RGS6: variants seen among roughly 807,000 people sequenced by gnomAD.
RGS6 encodes regulator of G-protein signaling 6.
Under a neutral mutation model 78.5 loss-of-function variants are expected in RGS6, and 30 were observed. The ratio of observed to expected loss-of-function variants is 0.38; its 90% CI spans 0.29 to 0.52. The LOEUF (loss-of-function observed/expected upper bound fraction) is 0.52. Among genes scored for constraint, RGS6 ranks in the 20% least tolerant of loss-of-function variants. The pLI, the probability that RGS6 is intolerant of heterozygous loss-of-function variation, is 0.85. For missense variants in RGS6, 495 were observed against 609.7 expected (o/e 0.81, Z 1.98); for synonymous variants, 206 against 206.0 (o/e 1.00, Z 0.00).
chr14:71,976,268 T>A (rs2153095884), intron 2 of RGS6, among the ~76,000 whole-genome samples: 1 of 151,606 alleles, frequency 6.6e-6, no homozygotes, highest in Admixed American at 6.6e-5. Context: ...TTTATTTTTT[T>A]TAATTATTAT....
At chr14:71,867,699 TAAG>T in the RGS6 span, among the ~76,000 whole-genome samples, 4 of 152,154 alleles carry the variant, frequency 2.6e-5, no homozygotes, top group African/African-American at 7.2e-5. Flanking sequence ...GATGACCAGA[TAAG>T]GAGGAGGCAA....
At chr14:72,120,997 G>T (rs1490313119) in intron 2 of RGS6, among the ~76,000 whole-genome samples, 2 of 152,200 alleles carry the variant, frequency 1.3e-5, no homozygotes. Flanking sequence ...AGGGAGATTT[G>T]CTCAGTTCCC....
At chr14:72,311,502 A>G (rs762698788) in intron 2 of RGS6, among the ~76,000 whole-genome samples, 11 of 152,192 alleles carry the variant, frequency 7.2e-5, no homozygotes, top group Non-Finnish European at 1.0e-4. Flanking sequence ...AAAAAAAATA[A>G]TAGGGAAGAA....
At chr14:72,020,188 G>A (rs769631190) in intron 2 of RGS6, among the ~76,000 whole-genome samples, 1 of 152,206 alleles carries the variant, frequency 6.6e-6, no homozygotes, top group Non-Finnish European at 1.5e-5. Context: ...TTAGCTTGAT[G>A]TTTGGTCTCC....
chr14:72,301,704 C>T (rs2066100915), intron 2 of RGS6, among the ~76,000 whole-genome samples: 1 of 152,148 alleles, frequency 6.6e-6, no homozygotes, highest in Non-Finnish European at 1.5e-5. Context: ...ATCTGTGCCA[C>T]ACCTCTTCCT....
At chr14:72,364,981 C>A (rs2082190454) in intron 3 of RGS6, among the ~76,000 whole-genome samples, 1 of 152,164 alleles carries the variant, frequency 6.6e-6, no homozygotes, top group Admixed American at 6.5e-5. Context: ...TGCTGCAAGG[C>A]CCGTCTCTAC....
intron 2 of RGS6, among the ~76,000 whole-genome samples, chr14:72,185,761 T>C (rs2153706825): frequency 6.6e-6 from 1 of 152,258 alleles, no homozygotes; most frequent in South Asian, 2.1e-4. Context: ...CTGGGCAACA[T>C]GGGGAGACCC....
At chr14:72,221,959 T>C (rs755191098) in intron 2 of RGS6, among the ~76,000 whole-genome samples, 1 of 152,220 alleles carries the variant, frequency 6.6e-6, no homozygotes, top group Non-Finnish European at 1.5e-5. Context: ...GTGAGTAACA[T>C]GTCCACTTCA....
chr14:72,249,811 T>C (rs1048148683), intron 2 of RGS6, among the ~76,000 whole-genome samples: 2 of 152,034 alleles, frequency 1.3e-5, no homozygotes, highest in Non-Finnish European at 2.9e-5. Flanking sequence ...TGCGGCATTA[T>C]TCACAATAGC....
At chr14:71,983,951 A>G (rs1437393142) in intron 2 of RGS6, among the ~76,000 whole-genome samples, 1 of 152,204 alleles carries the variant, frequency 6.6e-6, no homozygotes, top group African/African-American at 2.4e-5. Flanking sequence ...GTTGCTTCTG[A>G]CAAAGCACTG....
At chr14:71,953,969 G>GTGTT (rs1555399151) in intron 1 of RGS6, among the ~76,000 whole-genome samples, 1 of 76,086 alleles carries the variant, frequency 1.3e-5, no homozygotes, top group Non-Finnish European at 2.3e-5. Context: ...CTAAGTGGGC[G>GTGTT]TTTTTTTTTT....
intron 3 of RGS6, among the ~76,000 whole-genome samples, chr14:72,381,507 A>T (rs1370614980): frequency 6.6e-6 from 1 of 152,158 alleles, no homozygotes; most frequent in Non-Finnish European, 1.5e-5. Flanking sequence ...GCTAACTTCT[A>T]TGTAAAAATG....
chr14:72,013,167 A>T (rs2086159177), intron 2 of RGS6, among the ~76,000 whole-genome samples: 1 of 144,924 alleles, frequency 6.9e-6, no homozygotes, highest in African/African-American at 2.6e-5. Flanking sequence ...ACTACTCGGG[A>T]GGTTGAGGCA....
chr14:71,982,570 C>G (rs3784057), intron 2 of RGS6, among the ~76,000 whole-genome samples: 6 of 152,118 alleles, frequency 3.9e-5, no homozygotes, highest in African/African-American at 1.2e-4. Flanking sequence ...TGGTTCCAAC[C>G]AAAACCCTGG....
At chr14:72,414,032 T>C (rs889771918) in intron 3 of RGS6, among the ~76,000 whole-genome samples, 6 of 152,204 alleles carry the variant, frequency 3.9e-5, no homozygotes, top group Non-Finnish European at 7.3e-5. Flanking sequence ...TTGGTGAATC[T>C]GACAATTATG....
chr14:72,203,130 C>T (rs2041951438), intron 2 of RGS6, among the ~76,000 whole-genome samples: 1 of 152,240 alleles, frequency 6.6e-6, no homozygotes, highest in East Asian at 1.9e-4. Flanking sequence ...CCGCCTCGGC[C>T]TCCCAAAGTG....
chr14:71,918,893 A>G, the RGS6 span, among the ~76,000 whole-genome samples: 2 of 152,196 alleles, frequency 1.3e-5, no homozygotes, highest in Non-Finnish European at 2.9e-5. Context: ...AAGCAAATAT[A>G]TATGGTAAGC....
chr14:72,399,282 T>C (rs1173390429), intron 3 of RGS6, among the ~76,000 whole-genome samples: 1 of 152,202 alleles, frequency 6.6e-6, no homozygotes, highest in African/African-American at 2.4e-5. Context: ...TTTACCATTA[T>C]GTAATGGCCT....
chr14:72,363,999 T>TAAAAAAAAAAAA lies in RGS6; in HGVS notation c.184+11821_184+11832dup, dbSNP rs55943058. ...ACCATCACTTGTCAGTGGACAAGGC[T>TAAAAAAAAAAAA]AAAAAAAAAAAAAAAAAAAAAAAAA... On this transcript the variant is annotated intron_variant, in intron 3 of 17. Coordinates refer to ENST00000553525, the MANE Select transcript of RGS6 (RefSeq NM_001204424.2). Among the ~76,000 whole-genome samples, 79 of 46,802 alleles carry TAAAAAAAAAAAA rather than the reference T, an allele frequency of 1.7e-3. 14 individuals carry two copies. The highest frequency in any genetic ancestry group is 3.5e-3 in the African/African-American group (53 of 15,210). The allele number at this position is 46,802 out of a possible 152,430, so 30.7% of individuals were successfully genotyped here.
Sources: gnomAD v4.1 joint callset for allele counts (sites outside exome capture counted in the v4.1 genomes callset) on GRCh38, gnomAD v4.1.1 for gene constraint, MANE v1.5 for transcripts, NCBI Gene and HGNC (gene_info 2026-07-23, HGNC 2026-07-21) for gene names.